SCAF4: variants seen among roughly 807,000 people sequenced by gnomAD.
The protein encoded by SCAF4 is SR-related CTD associated factor 4, also known as SR-related and CTD-associated factor 4.
SCAF4 carries 25 observed loss-of-function variants against 129.8 expected under a neutral mutation model. The ratio of observed to expected loss-of-function variants is 0.19; its 90% CI spans 0.14 to 0.27. The LOEUF (loss-of-function observed/expected upper bound fraction) is 0.27. Among genes scored for constraint, SCAF4 ranks in the 10% least tolerant of loss-of-function variants. SCAF4 has a pLI of 1.00. For missense variants in SCAF4, 1,246 were observed against 1,457.1 expected (o/e 0.86, Z 2.36); for synonymous variants, 551 against 497.7 (o/e 1.11, Z -1.43).
At chr21:31,680,025 G>GA (rs2049959964) in intron 19 of SCAF4, among the ~76,000 whole-genome samples, 2 of 152,020 alleles carry the variant, frequency 1.3e-5, no homozygotes, top group South Asian at 2.1e-4. Context: ...ATATTAGCCG[G>GA]AAAAAAATCT....
rs773967084 is a variant in SCAF4, at chr21:31,703,808, G to A, written c.278C>T (p.Thr93Ile). The A allele has an allele frequency of 6.3e-7, 1 of 1,589,780 alleles. No homozygotes were observed. The highest frequency in any genetic ancestry group is 1.7e-5 in the Admixed American group (1 of 59,924). ...VFGPRFSKNI[T>I]ATFQYLYLCP... ...AAGATATAAATATTGGAATGTGGCAGTTATGTTTTTAGAGAATCTTGGCCC... is the reference window on the plus strand; with the variant it reads ...AAGATATAAATATTGGAATGTGGCAATTATGTTTTTAGAGAATCTTGGCCC... The change falls in exon 4 of 20, where the codon ACT becomes ATT. Residue 93 changes from threonine to isoleucine, a missense_variant. Coordinates refer to ENST00000286835, the MANE Select transcript of SCAF4 (RefSeq NM_020706.2).
At chr21:31,704,741 T>C (rs1390537592) in intron 3 of SCAF4, among the ~76,000 whole-genome samples, 1 of 152,216 alleles carries the variant, frequency 6.6e-6, no homozygotes, top group African/African-American at 2.4e-5. Context: ...AGTTAATTTG[T>C]TGACAGTGCC....
intron 2 of SCAF4, among the ~76,000 whole-genome samples, chr21:31,705,690 T>TA (rs924342484): frequency 3.9e-5 from 6 of 152,178 alleles, no homozygotes; most frequent in Admixed American, 2.0e-4. Context: ...TCCCTTTTCT[T>TA]AAATTTTAAA....
At position 31,719,061 on chromosome 21, in the gene SCAF4, T is replaced by C. The variant is rs923825814; in HGVS notation, c.30+12602A>G. On this transcript the variant is annotated intron_variant, in intron 1 of 19. Coordinates refer to ENST00000286835, the MANE Select transcript of SCAF4 (RefSeq NM_020706.2). ...ATCCCAGCACTTCGGGAGGCCGAGGTAGACAGATCGCCTGAGGTCAGGAGT... is the reference window on the plus strand; with the variant it reads ...ATCCCAGCACTTCGGGAGGCCGAGGCAGACAGATCGCCTGAGGTCAGGAGT... Among the ~76,000 whole-genome samples, 3 of 152,040 alleles carry C rather than the reference T, an allele frequency of 2.0e-5. 1 individual carries two copies. Among genetic ancestry groups the C allele is most frequent in the South Asian group, 4.1e-4 (2 of 4,820 alleles).
intron 1 of SCAF4, among the ~76,000 whole-genome samples, chr21:31,730,787 C>CA (rs1273779311): frequency 6.6e-6 from 1 of 152,206 alleles, no homozygotes; most frequent in Non-Finnish European, 1.5e-5. Flanking sequence ...CTGGAATGAT[C>CA]AGAGAAACAA....
At chr21:31,703,250 C>A (rs1001666646) in intron 4 of SCAF4, among the ~76,000 whole-genome samples, 1 of 152,118 alleles carries the variant, frequency 6.6e-6, no homozygotes, top group African/African-American at 2.4e-5. Context: ...CTCAACTACA[C>A]AAGCACATCT....
At chr21:31,689,324 G>T (rs1202828659) in intron 15 of SCAF4, among the ~76,000 whole-genome samples, 2 of 151,426 alleles carry the variant, frequency 1.3e-5, no homozygotes, top group Non-Finnish European at 2.9e-5. Context: ...TTGAGACAGA[G>T]TCTTGCTCTG....
chr21:31,675,031 C>T (rs568889447), intron 19 of SCAF4, among the ~76,000 whole-genome samples: 203 of 152,102 alleles, frequency 1.3e-3, no homozygotes, highest in Non-Finnish European at 2.3e-3. Context: ...ATGCACAAGG[C>T]CAGTGAGTTA....
intron 16 of SCAF4, among the ~76,000 whole-genome samples, 193 bp downstream of exon 16, chr21:31,688,114 C>CAAAAAAAAAAAAAAAA (rs61592268): frequency 3.7e-4 from 4 of 10,906 alleles, no homozygotes; most frequent in African/African-American, 9.4e-4. Context: ...GACTCTGTCT[C>CAAAAAAAAAAAAAAAA]AAAAAAAAAA....
intron 1 of SCAF4, among the ~76,000 whole-genome samples, chr21:31,710,311 G>A (rs189975429): frequency 1.4e-4 from 22 of 152,156 alleles, no homozygotes; most frequent in Non-Finnish European, 2.6e-4. Context: ...CACTTTGGGA[G>A]GCCAAGGCGG....
chr21:31,673,691 C>T (rs1315895541), intron 19 of SCAF4, among the ~76,000 whole-genome samples: 1 of 152,256 alleles, frequency 6.6e-6, no homozygotes, highest in Non-Finnish European at 1.5e-5. Context: ...AACAGAAGCA[C>T]ATGTCCTTGC....
intron 12 of SCAF4, among the ~76,000 whole-genome samples, chr21:31,692,833 A>C (rs2123535603): frequency 6.6e-6 from 1 of 152,292 alleles, no homozygotes; most frequent in East Asian, 1.9e-4. Flanking sequence ...CTTGCATGTA[A>C]CTGTCCTTTC....
chr21:31,696,347 T>C, intron 8 of SCAF4, 126 bp from the exon 9 acceptor site: 2 of 721,930 alleles, frequency 2.8e-6, no homozygotes, highest in East Asian at 2.8e-5. Context: ...TTTACCTATA[T>C]ATTAAATTTA....
At position 31,724,548 on chromosome 21, in the gene SCAF4, T is replaced by A. The variant is rs79598239; in HGVS notation, c.30+7115A>T. On this transcript the variant is annotated intron_variant, in intron 1 of 19. Coordinates refer to ENST00000286835, the MANE Select transcript of SCAF4 (RefSeq NM_020706.2). ...GTTATGAATAACACTAAAGGTTCAT[T>A]ACTGATGTAACATTTTTTCCCTACT... 9.3e-3 allele frequency among the ~76,000 whole-genome samples: 1,421 copies of A among 152,312 alleles called. 27 individuals carry two copies. The highest frequency in any genetic ancestry group is 0.032 in the African/African-American group (1,347 of 41,560).
At chr21:31,717,354 C>T (rs2123658707) in intron 1 of SCAF4, among the ~76,000 whole-genome samples, 1 of 152,064 alleles carries the variant, frequency 6.6e-6, no homozygotes, top group Middle Eastern at 3.4e-3. Context: ...ATTCCAAACA[C>T]AAGTGGAGGA....
At chr21:31,713,943 G>A (rs1003843374) in intron 1 of SCAF4, among the ~76,000 whole-genome samples, 2 of 152,068 alleles carry the variant, frequency 1.3e-5, no homozygotes, top group African/African-American at 2.4e-5. Flanking sequence ...TATATATCAA[G>A]TCTAAAAGCC....
intron 11 of SCAF4, among the ~76,000 whole-genome samples, 173 bp downstream of exon 11, chr21:31,694,029 GTT>G (rs565283800): frequency 6.8e-6 from 1 of 146,256 alleles, no homozygotes. Flanking sequence ...GAATGATGTA[GTT>G]TTTTTTTTTA....
chr21:31,713,485 G>A (rs903600131), intron 1 of SCAF4, among the ~76,000 whole-genome samples: 5 of 152,296 alleles, frequency 3.3e-5, no homozygotes, highest in Middle Eastern at 3.4e-3. Context: ...AGTACTACAC[G>A]TAATTCTTTT....
chr21:31,701,764 T>C lies in SCAF4; in HGVS notation c.600+12A>G, dbSNP rs1490092860. On this transcript the variant is annotated intron_variant, in intron 6 of 19. Transcript: ENST00000286835. ...TCCTGCAAACAATTTCACTTTTGAG[T>C]AGACAGTTTACCTGTTGGCCTTGAG... 1.9e-6 allele frequency: 3 copies of C among 1,595,714 alleles called. No homozygotes were observed. The highest frequency in any genetic ancestry group is 1.4e-5 in the African/African-American group (1 of 73,768).
Sources: allele counts gnomAD v4.1 joint callset (sites outside exome capture counted in the v4.1 genomes callset), GRCh38; gene constraint gnomAD v4.1.1; transcripts MANE v1.5; gene names NCBI Gene and HGNC (gene_info 2026-07-23, HGNC 2026-07-21).